LGR5: variants seen among roughly 807,000 people sequenced by gnomAD.
LGR5 encodes leucine-rich repeat-containing G protein-coupled receptor 5.
In LGR5, 54 loss-of-function variants were observed where a neutral mutation model predicts 76.7. The ratio of observed to expected loss-of-function variants is 0.70; its 90% CI spans 0.57 to 0.88. LGR5 has a LOEUF of 0.88. LGR5 is among the 40% of genes least tolerant of loss of function. The probability of loss-of-function intolerance (pLI) is 0.00; values close to 1 mark genes in which losing one functional copy is unlikely to be tolerated. For missense variants in LGR5, 1,078 were observed against 1,073.3 expected (o/e 1.00, Z -0.06); for synonymous variants, 406 against 421.9 (o/e 0.96, Z 0.46).
At chr12:71,566,009 G>T (rs542409322) in intron 8 of LGR5, among the ~76,000 whole-genome samples, 1 of 151,998 alleles carries the variant, frequency 6.6e-6, no homozygotes, top group Non-Finnish European at 1.5e-5. Context: ...AGTTGATATC[G>T]ATAGATAGAC....
chr12:71,554,036 T>C (rs890204404), intron 5 of LGR5, among the ~76,000 whole-genome samples: 2 of 152,042 alleles, frequency 1.3e-5, no homozygotes, highest in African/African-American at 4.8e-5. Flanking sequence ...GAGCCAAGAT[T>C]GTGCCACTGC....
rs772352311 is a variant in LGR5, at chr12:71,559,621, C to A, written c.752C>A (p.Thr251Asn). 3.2e-6 allele frequency: 5 copies of A among 1,571,024 alleles called. No homozygotes were observed. In the Admixed American group the frequency reaches 8.3e-5, roughly 26 times the overall value. The change falls in exon 7 of 18, where the codon ACT becomes AAT. Residue 251 changes from threonine to asparagine, a missense_variant. Transcript: ENST00000266674. ...TACAATAACCTTGATGAATTCCCCA[C>A]TGCAATTAGGACACTCTCCAACCTT... ...LNYNNLDEFP[T>N]AIRTLSNLKE...
At position 71,479,686 on chromosome 12, in the gene LGR5, G is replaced by T. The variant is rs988073034; in HGVS notation, c.213-24928G>T. On this transcript the variant is annotated intron_variant, in intron 1 of 17. Transcript: ENST00000266674. ...GAAAGATATTTAAGAATGAAGAGGA[G>T]CCAGCCATTGGAAGGGACGGTGGGG... Among the ~76,000 whole-genome samples, 7 of 152,242 alleles carry T rather than the reference G, an allele frequency of 4.6e-5. No homozygotes were observed. In the East Asian group the frequency reaches 1.4e-3, roughly 29 times the overall value.
At chr12:71,556,899 A>G (rs866471510) in intron 6 of LGR5, among the ~76,000 whole-genome samples, 3 of 152,320 alleles carry the variant, frequency 2.0e-5, no homozygotes, top group Middle Eastern at 3.4e-3. Flanking sequence ...GAGAGTGATA[A>G]ATTAGTTAGA....
At chr12:71,442,424 C>A (rs1871808012) in intron 1 of LGR5, among the ~76,000 whole-genome samples, 1 of 152,174 alleles carries the variant, frequency 6.6e-6, no homozygotes, top group African/African-American at 2.4e-5. Context: ...ATATTATTCT[C>A]ATGTGATGAC....
chr12:71,528,701 A>G (rs1185402820), intron 3 of LGR5, among the ~76,000 whole-genome samples: 1 of 152,204 alleles, frequency 6.6e-6, no homozygotes, highest in Non-Finnish European at 1.5e-5. Flanking sequence ...TATGAAATTT[A>G]TGTTGTGATA....
At chr12:71,570,599 G>A (rs551949081) in intron 11 of LGR5, among the ~76,000 whole-genome samples, 4 of 152,134 alleles carry the variant, frequency 2.6e-5, no homozygotes, top group African/African-American at 4.8e-5. Context: ...GGTATTGGGT[G>A]GGGGGGTATC....
chr12:71,521,109 C>A (rs754008481), intron 2 of LGR5, among the ~76,000 whole-genome samples: 20 of 152,222 alleles, frequency 1.3e-4, no homozygotes, highest in Non-Finnish European at 2.4e-4. Flanking sequence ...TCAGGTGCAC[C>A]AATTGCAAGC....
Position 71,561,834 on chromosome 12 carries a change from A to G in LGR5, c.839A>G (p.Asn280Ser), listed in dbSNP as rs145924075. The change falls in exon 8 of 18, where the codon AAC (asparagine) becomes AGC (serine). Residue 280 changes from asparagine to serine, a missense_variant. Transcript: ENST00000266674. ...ATACCTGAGAAAGCATTTGTAGGCA[A>G]CCCTTCTCTTATTACAATGTAAGTG... is the stretch of plus-strand genomic sequence containing the variant. The part of the protein sequence containing the change: ...RSIPEKAFVG[N>S]PSLITIHFYD... 4.4e-6 allele frequency: 7 copies of G among 1,602,168 alleles called. No individual in the cohort carries two copies. In the African/African-American group the frequency reaches 9.4e-5, roughly 21 times the overall value.
chr12:71,569,239 A>G (rs1386018664), intron 11 of LGR5, among the ~76,000 whole-genome samples: 1 of 152,268 alleles, frequency 6.6e-6, no homozygotes, highest in Non-Finnish European at 1.5e-5. Flanking sequence ...CATTCAGGAC[A>G]TAGGCATGGG....
In LGR5 at chr12:71,439,890, A is replaced by T. The variant is rs1871668571; in HGVS notation, c.-191A>T. ...TGCTCCGAAGGCCGGCGTGGCGGCA[A>T]CCGGCACCTCTGTCCCCGCCGCGCT... is the stretch of plus-strand genomic sequence containing the variant. On this transcript the variant is annotated 5_prime_UTR_variant, in exon 1 of 18. Transcript: ENST00000266674. 1 of 547,162 alleles carries T rather than the reference A, an allele frequency of 1.8e-6. No homozygotes were observed. The highest frequency in any genetic ancestry group is 3.2e-6 in the Non-Finnish European group (1 of 317,392). The allele number at this position is 547,162 out of a possible 1,614,324, so 33.9% of individuals were successfully genotyped here. A position where few individuals can be genotyped will look rare whatever the true frequency, so the allele number is the denominator to read the frequency against.
chr12:71,469,831 C>T (rs1216416762), intron 1 of LGR5, among the ~76,000 whole-genome samples: 1 of 152,128 alleles, frequency 6.6e-6, no homozygotes, highest in Non-Finnish European at 1.5e-5. Context: ...CCCCGCCGCC[C>T]CACCCGCCAA....
At chr12:71,575,754 G>GTC in intron 13 of LGR5, among the ~76,000 whole-genome samples, 1 of 143,926 alleles carries the variant, frequency 6.9e-6, no homozygotes, top group South Asian at 2.2e-4. Context: ...GTGTGTGTGT[G>GTC]TGTGTATCAT....
rs111853467 is a variant in LGR5, at chr12:71,504,477, G to A, written c.213-137G>A. On this transcript the variant is annotated intron_variant, in intron 1 of 17. Transcript: ENST00000266674. ...GAGAAAAGGAATTAATATTTAAGAT[G>A]TAGAATAGCAATTCATTTGTCAAGC... 4.9e-5 allele frequency: 37 copies of A among 757,882 alleles called. 2 individuals carry two copies. The highest frequency in any genetic ancestry group is 4.2e-4 in the African/African-American group (25 of 58,832). 46.9% of individuals were successfully genotyped at this position (757,882 alleles called of 1,614,324 possible).
chr12:71,445,602 A>T (rs1871953155), intron 1 of LGR5, among the ~76,000 whole-genome samples: 1 of 152,236 alleles, frequency 6.6e-6, no homozygotes, highest in Admixed American at 6.5e-5. Flanking sequence ...TGATTTTGTT[A>T]TCCATAAGTT....
chr12:71,559,152 A>G (rs1877927362), intron 6 of LGR5, among the ~76,000 whole-genome samples: 1 of 152,158 alleles, frequency 6.6e-6, no homozygotes, highest in Admixed American at 6.5e-5. Context: ...TTCATGTCAC[A>G]AGGGAGTGAA....
At chr12:71,581,471 G>C (rs939091910) in intron 16 of LGR5, among the ~76,000 whole-genome samples, 1 of 152,156 alleles carries the variant, frequency 6.6e-6, no homozygotes, top group African/African-American at 2.4e-5. Flanking sequence ...CTCATGCTTT[G>C]GGCCTTAATG....
chr12:71,578,030 C>T (rs1878933530), intron 14 of LGR5, 34 bp downstream of exon 14: 1 of 1,479,334 alleles, frequency 6.8e-7, no homozygotes, highest in Non-Finnish European at 9.4e-7. Context: ...TGGTATGTCT[C>T]TTAATAATTG....
intron 4 of LGR5, among the ~76,000 whole-genome samples, chr12:71,536,076 G>T (rs1245523806): frequency 6.6e-6 from 1 of 152,080 alleles, no homozygotes; most frequent in African/African-American, 2.4e-5. Context: ...TATATCACAC[G>T]TGTGATATAT....
Sources: gnomAD v4.1 joint callset for allele counts (sites outside exome capture counted in the v4.1 genomes callset) on GRCh38, gnomAD v4.1.1 for gene constraint, MANE v1.5 for transcripts, NCBI Gene and HGNC (gene_info 2026-07-23, HGNC 2026-07-21) for gene names.